The following BARD1 variants were observed in gnomAD, a reference collection of about 807,000 sequenced individuals.
BARD1 encodes BRCA1 associated RING domain 1, also known as BRCA1-associated RING domain protein 1.
In BARD1, 73 loss-of-function variants were observed where a neutral mutation model predicts 77.0. The observed-to-expected ratio is 0.95, with a 90% CI of 0.79 to 1.15. BARD1 has a LOEUF of 1.15. Among genes scored for constraint, BARD1 ranks in the 50% most tolerant of loss-of-function variants. BARD1 has a pLI of 0.00. For missense variants in BARD1, 993 were observed against 938.8 expected, an observed-to-expected ratio of 1.06 and a Z score of -0.75; for synonymous variants, 384 against 338.0, an observed-to-expected ratio of 1.14 and a Z score of -1.49.
At chr2:214,791,917 C>G (rs1235900273) in intron 3 of BARD1, among the ~76,000 whole-genome samples, 1 of 152,130 alleles carries the variant, frequency 6.6e-6, no homozygotes, top group Non-Finnish European at 1.5e-5. Context: ...ACTAACTACA[C>G]ATGCGGCTGT....
chr2:214,776,391 G>A (rs558086436), intron 4 of BARD1, among the ~76,000 whole-genome samples: 1 of 152,164 alleles, frequency 6.6e-6, no homozygotes, highest in African/African-American at 2.4e-5. Flanking sequence ...TAAACAATGA[G>A]TATCTTAGTT....
chr2:214,770,101 A>C (rs543446855), intron 4 of BARD1, among the ~76,000 whole-genome samples: 2 of 152,262 alleles, frequency 1.3e-5, no homozygotes, highest in South Asian at 4.1e-4. Context: ...GTTTATATTC[A>C]CCTTATTTGT....
chr2:214,786,979 TG>T (rs377458648), intron 3 of BARD1, among the ~76,000 whole-genome samples: 127 of 152,040 alleles, frequency 8.4e-4, no homozygotes, highest in African/African-American at 3.1e-3. Flanking sequence ...AAGGTCAAAA[TG>T]AAATGTTACC....
At chr2:214,753,432 GTCT>G (rs1434015438) in intron 6 of BARD1, among the ~76,000 whole-genome samples, 1 of 152,030 alleles carries the variant, frequency 6.6e-6, no homozygotes, top group Non-Finnish European at 1.5e-5. Context: ...TTCTTTTATA[GTCT>G]TCTATGTTTT....
chr2:214,735,663 A>G (rs1692538089), intron 9 of BARD1, among the ~76,000 whole-genome samples: 2 of 152,160 alleles, frequency 1.3e-5, no homozygotes, highest in Non-Finnish European at 2.9e-5. Flanking sequence ...AAGGCTGTGT[A>G]TTTCACACTG....
At chr2:214,768,999 A>G (rs1171582275) in intron 5 of BARD1, among the ~76,000 whole-genome samples, 1 of 152,240 alleles carries the variant, frequency 6.6e-6, no homozygotes, top group African/African-American at 2.4e-5. Flanking sequence ...GCAGTACAGT[A>G]CAAATGGATT....
At chr2:214,732,397 CTTTT>C (rs573147676) in intron 9 of BARD1, among the ~76,000 whole-genome samples, 1 of 142,042 alleles carries the variant, frequency 7.0e-6, no homozygotes, top group African/African-American at 2.6e-5. Context: ...ATTTTTTTTT[CTTTT>C]TTTTTTTTTT....
intron 10 of BARD1, 36 bp from the exon 11 acceptor site, chr2:214,729,044 C>CAGT: frequency 6.3e-7 from 1 of 1,591,024 alleles, no homozygotes; most frequent in African/African-American, 1.3e-5. Context: ...AAAGGCAGAT[C>CAGT]AAAATACTGT....
intron 7 of BARD1, among the ~76,000 whole-genome samples, chr2:214,750,677 CTG>C (rs747469154): frequency 3.9e-5 from 6 of 152,094 alleles, no homozygotes; most frequent in Admixed American, 6.6e-5. Context: ...CCAGGAGGGG[CTG>C]TCAAAATCAA....
chr2:214,802,424 T>C (rs10164679), intron 1 of BARD1, among the ~76,000 whole-genome samples: 40,446 of 152,114 alleles, frequency 0.27, 5,730 homozygotes, highest in African/African-American at 0.37. Context: ...AATATATTTT[T>C]GACATACAAT....
rs1694666254 is a variant in BARD1 at position 214,774,766 on chromosome 2, G to A, written c.1315-5454C>T. 2.0e-5 allele frequency among the ~76,000 whole-genome samples: 3 copies of A among 152,212 alleles called. No individual in the cohort carries two copies. In the South Asian group the frequency reaches 6.2e-4, roughly 31 times the overall value. ...AACAAAAGGCTGTTTCAACTTCACT[G>A]AAATCTGTTGTTTAGTGTGCCACTC... On this transcript the variant is annotated intron_variant, in intron 4 of 10. Coordinates refer to ENST00000260947, the MANE Select transcript of BARD1 (RefSeq NM_000465.4).
chr2:214,738,514 TCTC>T (rs1452188754), intron 9 of BARD1, among the ~76,000 whole-genome samples: 1 of 152,050 alleles, frequency 6.6e-6, no homozygotes, highest in Non-Finnish European at 1.5e-5. Context: ...ATAACCACTC[TCTC>T]CTCCTACCTC....
At chr2:214,774,415 T>C (rs532724292) in intron 4 of BARD1, among the ~76,000 whole-genome samples, 38 of 152,336 alleles carry the variant, frequency 2.5e-4, no homozygotes, top group African/African-American at 7.0e-4. Flanking sequence ...GGCTACAGAA[T>C]TGATGTTTTG....
At chr2:214,781,656 T>G in intron 3 of BARD1, 147 bp from the exon 4 acceptor site, 1 of 656,778 alleles carries the variant, frequency 1.5e-6, no homozygotes, top group Non-Finnish European at 2.6e-6. Flanking sequence ...GTGAACTCTT[T>G]GATAGCAGAT....
rs556778871 is a variant in BARD1, at chr2:214,803,853, G to C, written c.158+5559C>G. Among the ~76,000 whole-genome samples, 178 of 152,312 alleles carry C rather than the reference G, an allele frequency of 1.2e-3. 1 individual carries two copies. The highest frequency in any genetic ancestry group is 1.4e-3 in the East Asian group (7 of 5,184). ...TGTGGAGGGGCAACCCACCCCTTCA[G>C]ATCAGTGCTGTCAGAGGATAACTTA... is the stretch of plus-strand genomic sequence containing the variant. On this transcript the variant is annotated intron_variant, in intron 1 of 10. Transcript: ENST00000260947.
At chr2:214,794,192 A>G (rs1188612764) in intron 2 of BARD1, among the ~76,000 whole-genome samples, 7 of 152,154 alleles carry the variant, frequency 4.6e-5, no homozygotes, top group Non-Finnish European at 1.0e-4. Context: ...TTGAGGCTGT[A>G]GTGAGCCATG....
intron 9 of BARD1, among the ~76,000 whole-genome samples, chr2:214,737,947 G>GA (rs113048786): frequency 0.034 from 5,137 of 150,228 alleles, 294 homozygotes; most frequent in African/African-American, 0.12. Flanking sequence ...TCCTTTTGAA[G>GA]AAAAAAAAAG....
At chr2:214,745,634 C>A (rs1286322593) in intron 8 of BARD1, 88 bp downstream of exon 8, 1 of 1,519,318 alleles carries the variant, frequency 6.6e-7, no homozygotes, top group Admixed American at 1.7e-5. Flanking sequence ...ATGGTTAAAA[C>A]ATATGTAAAT....
Position 214,730,540 on chromosome 2 carries a change from A to T in BARD1, c.1904-32T>A, listed in dbSNP as rs373636345. 4 of 1,543,584 alleles carry T rather than the reference A, an allele frequency of 2.6e-6. No individual in the cohort carries two copies. The African/African-American group carries it at 4.1e-5, about 16-fold the overall frequency. On this transcript the variant is annotated intron_variant, in intron 9 of 10. Coordinates refer to ENST00000260947, the MANE Select transcript of BARD1 (RefSeq NM_000465.4). ...AAAACACAAGAATTAAAGCAAACTAAGTATCAAGTGAGCACTATATCTCTC... is the reference window on the plus strand; with the variant it reads ...AAAACACAAGAATTAAAGCAAACTATGTATCAAGTGAGCACTATATCTCTC...
Sources: gnomAD v4.1 joint callset for allele counts (sites outside exome capture counted in the v4.1 genomes callset) on GRCh38, gnomAD v4.1.1 for gene constraint, MANE v1.5 for transcripts, NCBI Gene and HGNC (gene_info 2026-07-23, HGNC 2026-07-21) for gene names.